Variants in SCNN1B observed in about 807,000 individuals in gnomAD.
SCNN1B encodes epithelial sodium channel subunit beta.
SCNN1B carries 46 observed loss-of-function variants against 65.3 expected under a neutral mutation model. The observed-to-expected ratio is 0.70, with a 90% CI of 0.56 to 0.90. The LOEUF (loss-of-function observed/expected upper bound fraction) is 0.90. Among genes scored for constraint, SCNN1B ranks in the 40% least tolerant of loss-of-function variants. SCNN1B has a pLI of 0.00. For missense variants in SCNN1B, 751 were observed against 830.5 expected, an observed-to-expected ratio of 0.90 and a Z score of 1.18; for synonymous variants, 349 against 330.6, an observed-to-expected ratio of 1.06 and a Z score of -0.60.
At chr16:23,345,136 T>C (rs892966584) in intron 1 of SCNN1B, among the ~76,000 whole-genome samples, 9 of 152,046 alleles carry the variant, frequency 5.9e-5, no homozygotes, top group Admixed American at 3.9e-4. Flanking sequence ...GGAGTGAATA[T>C]GCTTGGGCAG....
intron 2 of SCNN1B, among the ~76,000 whole-genome samples, chr16:23,287,564 A>C (rs1292438837): frequency 6.6e-6 from 1 of 152,018 alleles, no homozygotes; most frequent in African/African-American, 2.4e-5. Context: ...GTAAAAAATA[A>C]TACTACAAAA....
chr16:23,344,315 G>A (rs1055286731), intron 1 of SCNN1B, among the ~76,000 whole-genome samples: 1 of 152,208 alleles, frequency 6.6e-6, no homozygotes, highest in Non-Finnish European at 1.5e-5. Flanking sequence ...GTGTTAAGGA[G>A]CTGTTGGTAC....
At position 23,380,998 on chromosome 16, in the gene SCNN1B, C is replaced by T. The variant is rs1201754408; in HGVS notation, c.*197C>T. ...GCTCTGTAGAATCACGGTGCTGGTA[C>T]AGGATGCAGGAATAAATTGTATCTT... On this transcript the variant is annotated 3_prime_UTR_variant, in exon 13 of 13. Transcript: ENST00000343070. This position sits in a 1 kb window ranked among gnomAD's most constrained non-coding sequence, Gnocchi z 5.4. The T allele has an allele frequency of 6.0e-6, 4 of 663,772 alleles. No individual in the cohort carries two copies. The highest frequency in any genetic ancestry group is 2.6e-5 in the East Asian group (1 of 38,206). The allele number at this position is 663,772 out of a possible 1,614,324, so 41.1% of individuals were successfully genotyped here.
Position 23,380,319 on chromosome 16 carries a change from C to G in SCNN1B, c.1543-102C>G. On this transcript the variant is annotated intron_variant, in intron 12 of 12. Coordinates refer to ENST00000343070, the MANE Select transcript of SCNN1B (RefSeq NM_000336.3). This position sits in a 1 kb window ranked among gnomAD's most constrained non-coding sequence, Gnocchi z 5.4. ...TTCCCCTGGGCCAAGATGGTCACCC[C>G]CTCCCGTTCCCACCCAAGAATCACC... The G allele has an allele frequency of 6.3e-7, 1 of 1,584,152 alleles. No homozygotes were observed. Among genetic ancestry groups the G allele is most frequent in the Non-Finnish European group, 8.7e-7 (1 of 1,155,728 alleles).
At chr16:23,365,206 T>C (rs1962623582) in intron 4 of SCNN1B, among the ~76,000 whole-genome samples, 1 of 151,488 alleles carries the variant, frequency 6.6e-6, no homozygotes, top group Admixed American at 6.6e-5. Context: ...GCAGGAGAAT[T>C]GCTTGAATCC....
chr16:23,318,597 AG>A (rs1961521947), intron 1 of SCNN1B, among the ~76,000 whole-genome samples: 1 of 152,248 alleles, frequency 6.6e-6, no homozygotes, highest in Non-Finnish European at 1.5e-5. Context: ...CAATAGACTG[AG>A]ACTTCGTCTA....
At chr16:23,370,106 T>A (rs1255930460) in intron 5 of SCNN1B, among the ~76,000 whole-genome samples, 1 of 151,330 alleles carries the variant, frequency 6.6e-6, no homozygotes, top group Non-Finnish European at 1.5e-5. Context: ...AATTTTTGTA[T>A]TTTTTTTTCT....
At chr16:23,335,249 G>C (rs777986611) in intron 1 of SCNN1B, among the ~76,000 whole-genome samples, 8 of 152,138 alleles carry the variant, frequency 5.3e-5, no homozygotes, top group Non-Finnish European at 1.2e-4. Context: ...CTCCTTTTCT[G>C]CCTGTTCCCC....
At chr16:23,291,089 T>G (rs907261351) in intron 2 of SCNN1B, among the ~76,000 whole-genome samples, 2 of 149,686 alleles carry the variant, frequency 1.3e-5, no homozygotes, top group Non-Finnish European at 3.0e-5. Flanking sequence ...TTTGGCAGCA[T>G]CTTGCTGTGT....
chr16:23,373,747 T>C (rs1962831944), intron 7 of SCNN1B, among the ~76,000 whole-genome samples: 1 of 152,116 alleles, frequency 6.6e-6, no homozygotes, highest in Admixed American at 6.5e-5. Context: ...TGCCCACCCA[T>C]TGCCTGGCTG....
intron 7 of SCNN1B, among the ~76,000 whole-genome samples, chr16:23,374,464 C>T (rs1390119017): frequency 2.1e-5 from 3 of 144,824 alleles, no homozygotes; most frequent in African/African-American, 7.7e-5. Flanking sequence ...ATCCCAGCTA[C>T]TCAGGAGGCT....
At chr16:23,319,774 T>C (rs1299121722) in intron 1 of SCNN1B, among the ~76,000 whole-genome samples, 24 of 151,874 alleles carry the variant, frequency 1.6e-4, no homozygotes, top group Non-Finnish European at 2.9e-5. Context: ...TTTTATTTTT[T>C]GTTTTTTTTT....
At chr16:23,377,636 C>A (rs1435502203) in intron 10 of SCNN1B, among the ~76,000 whole-genome samples, 1 of 114,618 alleles carries the variant, frequency 8.7e-6, no homozygotes, top group East Asian at 3.0e-4. Context: ...ATTCCTTCTC[C>A]CTTCCTTCCT....
chr16:23,304,684 T>A (rs998739581), intron 1 of SCNN1B, among the ~76,000 whole-genome samples: 1 of 151,772 alleles, frequency 6.6e-6, no homozygotes, highest in Non-Finnish European at 1.5e-5. Context: ...CTAAAGAGAG[T>A]GTGTTTGCTA....
At chr16:23,365,605 GAA>G (rs1432025112) in intron 4 of SCNN1B, among the ~76,000 whole-genome samples, 3,814 of 134,560 alleles carry the variant, frequency 0.028, 173 homozygotes, top group African/African-American at 0.074. Context: ...AAGAAAGAAA[GAA>G]AGAAAGAAAG....
upstream of SCNN1B, among the ~76,000 whole-genome samples, chr16:23,301,830 T>C (rs1003020261): frequency 9.2e-5 from 14 of 152,050 alleles, no homozygotes; most frequent in African/African-American, 3.4e-4. Context: ...GGAAGAACGT[T>C]CCTGGGAAAA....
chr16:23,357,481 G>A (rs1322838885), intron 4 of SCNN1B, among the ~76,000 whole-genome samples: 1 of 152,230 alleles, frequency 6.6e-6, no homozygotes, highest in Non-Finnish European at 1.5e-5. Context: ...TACTTGGGAG[G>A]CTGAGGAAGG....
intron 2 of SCNN1B, among the ~76,000 whole-genome samples, chr16:23,290,148 A>G (rs749651152): frequency 4.6e-5 from 7 of 152,140 alleles, no homozygotes; most frequent in Non-Finnish European, 7.4e-5. Context: ...TCTCTGTCTC[A>G]CTGGGCTATT....
chr16:23,316,704 C>T (rs931339615), intron 1 of SCNN1B, among the ~76,000 whole-genome samples: 1 of 149,332 alleles, frequency 6.7e-6, no homozygotes, highest in Non-Finnish European at 1.5e-5. Context: ...AACACCATCA[C>T]CATCACCACC....
Sources: gnomAD v4.1 joint callset for allele counts (sites outside exome capture counted in the v4.1 genomes callset) on GRCh38, gnomAD v4.1.1 for gene constraint, Gnocchi (gnomAD v3.1) non-coding constraint, MANE v1.5 for transcripts, NCBI Gene and HGNC (gene_info 2026-07-23, HGNC 2026-07-21) for gene names.